TMEM74: variants seen among roughly 807,000 people sequenced by gnomAD.
TMEM74 encodes the protein transmembrane protein 74.
Under a neutral mutation model 18.1 loss-of-function variants are expected in TMEM74, and 13 were observed. That is an observed-to-expected ratio of 0.72 (90% confidence interval 0.47 to 1.14). The LOEUF (loss-of-function observed/expected upper bound fraction) is 1.14, where lower values mean the gene tolerates loss of function less well. TMEM74 is among the 50% of genes most tolerant of loss of function. The pLI is 0.00. For synonymous variants in TMEM74, 159 were observed against 146.6 expected (o/e 1.08, Z -0.61); for missense variants, 372 against 375.9 (o/e 0.99, Z 0.09).
At chr8:108,691,482 G>A (rs1043941174) in intron 1 of TMEM74, among the ~76,000 whole-genome samples, 1 of 152,192 alleles carries the variant, frequency 6.6e-6, no homozygotes, top group Non-Finnish European at 1.5e-5. Context: ...AAGATCTGAA[G>A]TTCGCAATGA....
rs1432433199 is a variant in TMEM74 at position 108,652,772 on chromosome 8, C to A, written n.264+2521G>T. The A allele has an allele frequency of 3.4e-5, 18 of 530,702 alleles. No homozygotes were observed. In the East Asian group the frequency reaches 4.2e-4, roughly 12 times the overall value. The allele number at this position is 530,702 out of a possible 1,614,324, so 32.9% of individuals were successfully genotyped here. A position where few individuals can be genotyped will look rare whatever the true frequency, so the allele number is the denominator to read the frequency against. ...AACACTCAGGACAAAGGCTGTGTAT[C>A]AATTTGAGTATGACCCACCCCATGT... On this transcript the variant is annotated intron_variant and non_coding_transcript_variant, in intron 2 of 3. Coordinates refer to the TMEM74 transcript ENST00000518838.
chr8:108,679,064 A>G (rs1813085876), intron 1 of TMEM74, among the ~76,000 whole-genome samples: 1 of 152,122 alleles, frequency 6.6e-6, no homozygotes, highest in Non-Finnish European at 1.5e-5. Context: ...ATGTCCCTAC[A>G]AAGGACATGA....
At chr8:108,664,120 A>G (rs1311856179) in intron 1 of TMEM74, among the ~76,000 whole-genome samples, 1 of 152,146 alleles carries the variant, frequency 6.6e-6, no homozygotes, top group African/African-American at 2.4e-5. Context: ...TTAAAAGTTG[A>G]AGAAAAGATA....
At chr8:108,647,560 A>G (rs907802495) in intron 2 of TMEM74, among the ~76,000 whole-genome samples, 1 of 152,180 alleles carries the variant, frequency 6.6e-6, no homozygotes, top group Non-Finnish European at 1.5e-5. Context: ...TTCACTAAGT[A>G]AAGAAATCTA....
At chr8:108,707,331 T>TA (rs34769336) in intron 1 of TMEM74, among the ~76,000 whole-genome samples, 57,481 of 146,994 alleles carry the variant, frequency 0.39, 11,267 homozygotes, top group East Asian at 0.6. Context: ...ACTTAAACTA[T>TA]AAAAAAAAAA....
At chr8:108,777,273 C>T (rs1814244347), downstream of TMEM74, among the ~76,000 whole-genome samples, 1 of 152,114 alleles carries the variant, frequency 6.6e-6, no homozygotes, top group Non-Finnish European at 1.5e-5. Flanking sequence ...ACGCAGAATG[C>T]CTGGCACATA....
chr8:108,614,658 G>C (rs896471516), intron 2 of TMEM74, among the ~76,000 whole-genome samples: 1 of 152,116 alleles, frequency 6.6e-6, no homozygotes, highest in African/African-American at 2.4e-5. Flanking sequence ...GTGTAGCTGT[G>C]GGGGGTTTTG....
chr8:108,785,456 A>C (rs1286490356), intron 1 of TMEM74, among the ~76,000 whole-genome samples: 1 of 152,210 alleles, frequency 6.6e-6, no homozygotes, highest in Non-Finnish European at 1.5e-5. Flanking sequence ...GCATTCCTGC[A>C]AAAGGATCCC....
At chr8:108,658,166 C>T (rs994441490) in intron 1 of TMEM74, among the ~76,000 whole-genome samples, 1 of 151,718 alleles carries the variant, frequency 6.6e-6, no homozygotes, top group African/African-American at 2.4e-5. Flanking sequence ...AAGCCAAACA[C>T]TGGATCATCG....
chr8:108,709,223 C>A (rs1212811813), intron 1 of TMEM74, among the ~76,000 whole-genome samples: 1 of 152,168 alleles, frequency 6.6e-6, no homozygotes. Flanking sequence ...GACATATCTG[C>A]ACTCCCATGT....
Position 108,766,357 on chromosome 8 carries a change from T to A in TMEM74, n.119+21119A>T, listed in dbSNP as rs188019737. Among the ~76,000 whole-genome samples, 9 of 152,306 alleles carry A rather than the reference T, an allele frequency of 5.9e-5. No individual in the cohort carries two copies. In the East Asian group the frequency reaches 1.7e-3, roughly 29 times the overall value. On this transcript the variant is annotated intron_variant and non_coding_transcript_variant, in intron 1 of 3. Coordinates refer to the TMEM74 transcript ENST00000518838. ...GTAGAGGCAATAAAGAGTTTGCTTT[T>A]TTGGCTGGGATGACAAATTATTGAA...
At chr8:108,778,023 G>A (rs1247637758), downstream of TMEM74, among the ~76,000 whole-genome samples, 1 of 151,950 alleles carries the variant, frequency 6.6e-6, no homozygotes, top group Non-Finnish European at 1.5e-5. Flanking sequence ...TACTAAATTT[G>A]CCTTCTCTGG....
intron 1 of TMEM74, among the ~76,000 whole-genome samples, chr8:108,674,452 T>C (rs1369218151): frequency 6.6e-6 from 1 of 152,182 alleles, no homozygotes; most frequent in Non-Finnish European, 1.5e-5. Flanking sequence ...ATTATACTAA[T>C]TGTCATAGGT....
At chr8:108,719,463 G>T (rs538632410) in intron 1 of TMEM74, among the ~76,000 whole-genome samples, 20 of 151,940 alleles carry the variant, frequency 1.3e-4, no homozygotes, top group Non-Finnish European at 2.4e-4. Flanking sequence ...CACCCTCACC[G>T]TTCTTTGTGG....
intron 1 of TMEM74, among the ~76,000 whole-genome samples, chr8:108,691,672 G>A (rs1404728878): frequency 6.6e-6 from 1 of 152,064 alleles, no homozygotes; most frequent in Non-Finnish European, 1.5e-5. Flanking sequence ...CAAGGGATAG[G>A]GAAATAATCT....
At chr8:108,680,456 A>C (rs1337547631) in intron 1 of TMEM74, among the ~76,000 whole-genome samples, 4 of 152,238 alleles carry the variant, frequency 2.6e-5, no homozygotes, top group Admixed American at 6.5e-5. Context: ...GCCTTTGACA[A>C]AATTCAACAA....
chr8:108,626,083 C>T (rs1812490049), intron 2 of TMEM74, among the ~76,000 whole-genome samples: 2 of 152,008 alleles, frequency 1.3e-5, no homozygotes, highest in South Asian at 4.1e-4. Context: ...ATTCAGGCTT[C>T]TTAGTTAGAT....
chr8:108,704,588 A>G (rs1360472944), intron 1 of TMEM74, among the ~76,000 whole-genome samples: 1 of 152,252 alleles, frequency 6.6e-6, no homozygotes, highest in Non-Finnish European at 1.5e-5. Context: ...CAGTAAAAAT[A>G]TATTGACCAT....
At chr8:108,756,504 T>G (rs190501209) in intron 1 of TMEM74, among the ~76,000 whole-genome samples, 11 of 136,632 alleles carry the variant, frequency 8.1e-5, no homozygotes, top group Admixed American at 4.9e-4. Context: ...TAACCTAAGA[T>G]GCATATCCGC....
Sources: gnomAD v4.1 joint callset for allele counts (sites outside exome capture counted in the v4.1 genomes callset) on GRCh38, gnomAD v4.1.1 for gene constraint, MANE v1.5 for transcripts, NCBI Gene and HGNC (gene_info 2026-07-23, HGNC 2026-07-21) for gene names.